The following VPS50 variants were observed in gnomAD, a reference collection of about 807,000 sequenced individuals.
The protein encoded by VPS50 is VPS50 subunit of EARP/GARPII complex.
VPS50 carries 70 observed loss-of-function variants against 139.7 expected under a neutral mutation model. That is an observed-to-expected ratio of 0.50 (90% CI 0.41 to 0.61). The LOEUF (loss-of-function observed/expected upper bound fraction) is 0.61. VPS50 is among the 20% of genes least tolerant of loss of function. VPS50 has a pLI of 0.00. For synonymous variants in VPS50, 365 were observed against 376.7 expected, an observed-to-expected ratio of 0.97 and a Z score of 0.36; for missense variants, 921 against 1,133.7, an observed-to-expected ratio of 0.81 and a Z score of 2.69.
chr7:93,341,835 A>G (rs1430742600), intron 23 of VPS50, among the ~76,000 whole-genome samples: 1 of 152,216 alleles, frequency 6.6e-6, no homozygotes, highest in African/African-American at 2.4e-5. Flanking sequence ...TTTAAGTACA[A>G]CTTTAAAAAG....
chr7:93,341,313 G>A, intron 22 of VPS50, 114 bp from the exon 23 acceptor site: 1 of 640,948 alleles, frequency 1.6e-6, no homozygotes, highest in Admixed American at 3.2e-5. Context: ...GAACCTAAAT[G>A]TAATTAACGT....
At chr7:93,310,948 A>G (rs967528448) in intron 19 of VPS50, among the ~76,000 whole-genome samples, 1 of 152,116 alleles carries the variant, frequency 6.6e-6, no homozygotes, top group African/African-American at 2.4e-5. Flanking sequence ...ATAATGTTTT[A>G]TAATCGAAGA....
intron 14 of VPS50, among the ~76,000 whole-genome samples, chr7:93,296,291 T>C (rs936713635): frequency 6.6e-6 from 1 of 152,214 alleles, no homozygotes; most frequent in African/African-American, 2.4e-5. Flanking sequence ...AAATATTTAA[T>C]TTATCATTAA....
chr7:93,277,174 C>T (rs1796183072), intron 12 of VPS50, among the ~76,000 whole-genome samples: 1 of 152,074 alleles, frequency 6.6e-6, no homozygotes, highest in African/African-American at 2.4e-5. Flanking sequence ...GAGCAACTAG[C>T]TGGGTAGGAG....
chr7:93,270,122 T>A lies in VPS50; in HGVS notation c.660-1098T>A, dbSNP rs1409712640. ...TTCAAATAATGTTAGTTCTATTGAT[T>A]TTTTTTTTTTACTGACCTCGTAAGA... On this transcript the variant is annotated intron_variant, in intron 9 of 27. Coordinates refer to ENST00000305866, the MANE Select transcript of VPS50 (RefSeq NM_017667.4). Among the ~76,000 whole-genome samples the A allele has an allele frequency of 4.7e-5, 7 of 149,046 alleles. No homozygotes were observed. In the East Asian group the frequency reaches 1.4e-3, roughly 29 times the overall value.
rs1190026638 is a variant in VPS50, at chr7:93,341,459, A to G, written c.2091A>G (p.Thr697=). 3 of 1,612,464 alleles carry G rather than the reference A, an allele frequency of 1.9e-6. No individual in the cohort carries two copies. The highest frequency in any genetic ancestry group is 2.2e-5 in the East Asian group (1 of 44,782). ...CAGCTGATCCTACTGCCACACTCAC[A>G]GCAGCAGAAGAAAGAAAGGAGAAGG... ...EVSADPTATL[T]AAEERKEKVP... is the part of the protein sequence containing the mutation. The change falls in exon 23 of 28, where the codon ACA becomes ACG. Residue 697 remains threonine (T), a synonymous_variant. Transcript: ENST00000305866.
intron 21 of VPS50, among the ~76,000 whole-genome samples, chr7:93,330,471 AG>A (rs1325464036): frequency 6.6e-6 from 1 of 152,120 alleles, no homozygotes; most frequent in Non-Finnish European, 1.5e-5. Flanking sequence ...TATAAAAAAT[AG>A]GCTAGGCATG....
In VPS50 at chr7:93,232,428, T is replaced by A; in HGVS notation, c.-40T>A. ...CTGTGTAGTGGCTCGGTGTGATTTGTTAGCTCTTTGAGGCAGGGTACCCTC... is the reference window on the plus strand; with the variant it reads ...CTGTGTAGTGGCTCGGTGTGATTTGATAGCTCTTTGAGGCAGGGTACCCTC... On this transcript the variant is annotated 5_prime_UTR_variant, in exon 1 of 28. Coordinates refer to ENST00000305866, the MANE Select transcript of VPS50 (RefSeq NM_017667.4). 6.3e-7 allele frequency: 1 copy of A among 1,584,108 alleles called. No homozygotes were observed.
Position 93,358,365 on chromosome 7 carries a change from T to C in VPS50, c.2824T>C (p.Ser942Pro). 1 of 1,612,370 alleles carries C rather than the reference T, an allele frequency of 6.2e-7. No individual in the cohort carries two copies. The highest frequency in any genetic ancestry group is 8.5e-7 in the Non-Finnish European group (1 of 1,178,608). Reference sequence around the variant, plus strand: ...CAATCTGGTGAATGTTTGCCTGGGATCCCATATCAATAAGAAAGCAAGACA... The same window carrying C: ...CAATCTGGTGAATGTTTGCCTGGGACCCCATATCAATAAGAAAGCAAGACA... ...LTNLVNVCLG[S>P]HINKKARQKL... The change falls in exon 28 of 28, where the codon TCC (serine) becomes CCC (proline). Residue 942 changes from serine to proline, a missense_variant. This residue lies in a region of VPS50 where 158 missense variants were observed against 156.3 expected (regional missense o/e 1.01). Coordinates refer to ENST00000305866, the MANE Select transcript of VPS50 (RefSeq NM_017667.4).
At chr7:93,237,117 A>AT (rs1243190252) in intron 1 of VPS50, among the ~76,000 whole-genome samples, 1,442 of 139,698 alleles carry the variant, frequency 0.01, 39 homozygotes, top group East Asian at 0.082. Context: ...CGCCCGGCTA[A>AT]TTTTTTTTTT....
At position 93,276,290 on chromosome 7, in the gene VPS50, T is replaced by TA; in HGVS notation, c.929dup (p.Asp311GlyfsTer31). On this transcript the variant is annotated frameshift_variant, in exon 12 of 28. Coordinates refer to ENST00000305866, the MANE Select transcript of VPS50 (RefSeq NM_017667.4). LOFTEE classifies it high-confidence loss of function. ...ACACAAAATTCCAAAAGCTGCAATA[T>TA]AAGGATCTCTGTACAGTATGTAGTG... 6.2e-7 allele frequency: 1 copy of TA among 1,613,242 alleles called. No individual in the cohort carries two copies. Among genetic ancestry groups the TA allele is most frequent in the Non-Finnish European group, 8.5e-7 (1 of 1,179,356 alleles).
At chr7:93,281,679 A>G (rs187934428) in intron 12 of VPS50, among the ~76,000 whole-genome samples, 201 of 152,348 alleles carry the variant, frequency 1.3e-3, no homozygotes, top group Middle Eastern at 3.4e-3. Flanking sequence ...AGTTATATAA[A>G]TAGTGGCTCA....
intron 25 of VPS50, among the ~76,000 whole-genome samples, chr7:93,352,527 A>G (rs964995257): frequency 2.0e-5 from 3 of 152,190 alleles, no homozygotes; most frequent in Admixed American, 6.5e-5. Context: ...AGAAAAGTTG[A>G]ACACGTCAGT....
intron 21 of VPS50, among the ~76,000 whole-genome samples, chr7:93,327,221 G>A (rs769139360): frequency 1.2e-4 from 19 of 152,122 alleles, no homozygotes; most frequent in Admixed American, 2.0e-4. Flanking sequence ...GCTGTTGAGC[G>A]CTTGAAATAT....
chr7:93,318,068 A>G (rs1036188483), intron 20 of VPS50, among the ~76,000 whole-genome samples: 1 of 149,648 alleles, frequency 6.7e-6, no homozygotes, highest in African/African-American at 2.5e-5. Flanking sequence ...ATCATATAAT[A>G]ATGATATATT....
rs368742359 is a variant in VPS50 at position 93,233,643 on chromosome 7, AG to A, written c.33+1144del. ...GTTCTGTGAATAATAAAAATATTTA[AG>A]TAAGTGGCTAGTAACATTTGTTAAT... On this transcript the variant is annotated intron_variant, in intron 1 of 27. Coordinates refer to ENST00000305866, the MANE Select transcript of VPS50 (RefSeq NM_017667.4). Among the ~76,000 whole-genome samples, 420 of 152,362 alleles carry A rather than the reference AG, an allele frequency of 2.8e-3. 1 individual carries two copies. Among genetic ancestry groups the A allele is most frequent in the South Asian group, 0.022 (107 of 4,832 alleles).
At position 93,348,817 on chromosome 7, in the gene VPS50, G is replaced by A. The variant is rs1798475874; in HGVS notation, c.2304+10G>A. The stretch of plus-strand genomic sequence containing the variant: ...GCAGTTCTATTCTCAGGTCAGACAT[G>A]GTCTTGTATGTCATTTCAACTGTGA... On this transcript the variant is annotated intron_variant, in intron 24 of 27. Coordinates refer to ENST00000305866, the MANE Select transcript of VPS50 (RefSeq NM_017667.4). The A allele has an allele frequency of 1.3e-6, 2 of 1,526,052 alleles. No homozygotes were observed. The highest frequency in any genetic ancestry group is 2.7e-5 in the African/African-American group (2 of 73,268). 94.5% of individuals were successfully genotyped at this position (1,526,052 alleles called of 1,614,324 possible). A position where few individuals can be genotyped will look rare whatever the true frequency, so the allele number is the denominator to read the frequency against.
intron 9 of VPS50, among the ~76,000 whole-genome samples, chr7:93,270,494 T>C (rs1795972084): frequency 6.6e-6 from 1 of 152,084 alleles, no homozygotes; most frequent in African/African-American, 2.4e-5. Flanking sequence ...TATCACATTT[T>C]GCTTATCTAA....
chr7:93,245,287 G>C (rs543823362), intron 2 of VPS50, among the ~76,000 whole-genome samples: 1 of 151,766 alleles, frequency 6.6e-6, no homozygotes, highest in African/African-American at 2.4e-5. Flanking sequence ...AATGGAGAAG[G>C]GTTGCATTGG....
Sources: allele counts gnomAD v4.1 joint callset (sites outside exome capture counted in the v4.1 genomes callset), GRCh38; gene constraint gnomAD v4.1.1; regional missense constraint gnomAD v4.1.1; transcripts MANE v1.5; gene names NCBI Gene and HGNC (gene_info 2026-07-23, HGNC 2026-07-21).